PABPC4L: variants seen among roughly 807,000 people sequenced by gnomAD.
PABPC4L encodes polyadenylate-binding protein 4-like.
For synonymous variants in PABPC4L, 169 were observed against 164.1 expected, an observed-to-expected ratio of 1.03 and a Z score of -0.23; for missense variants, 452 against 451.4, an observed-to-expected ratio of 1.00 and a Z score of -0.01.
chr4:133,971,594 C>T, the PABPC4L span, among the ~76,000 whole-genome samples: 1 of 152,258 alleles, frequency 6.6e-6, no homozygotes, highest in African/African-American at 2.4e-5. Flanking sequence ...TATCACTCAG[C>T]AACCAAAATC....
At chr4:134,079,578 CAAAAAAAAAAAAAAAAA>C in the PABPC4L span, among the ~76,000 whole-genome samples, 384 of 90,696 alleles carry the variant, frequency 4.2e-3, 4 homozygotes, top group African/African-American at 0.011. Flanking sequence ...GACTTCCTCT[CAAAAAAAAAAAAAAAAA>C]AAAAAAAAAA....
chr4:134,022,753 A>G, the PABPC4L span, among the ~76,000 whole-genome samples: 2,977 of 151,980 alleles, frequency 0.02, 49 homozygotes, highest in Non-Finnish European at 0.029. Flanking sequence ...TAGCCTTAAG[A>G]TATTCTCATG....
chr4:134,170,340 T>G, the PABPC4L span, among the ~76,000 whole-genome samples: 1 of 152,160 alleles, frequency 6.6e-6, no homozygotes, highest in South Asian at 2.1e-4. Flanking sequence ...TGTATTTAGT[T>G]TTTATGAATA....
chr4:133,981,084 G>A, the PABPC4L span, among the ~76,000 whole-genome samples: 11 of 152,122 alleles, frequency 7.2e-5, no homozygotes, highest in East Asian at 1.9e-4. Flanking sequence ...TTGCTTGAGC[G>A]TGGGAGGCTG....
the PABPC4L span, among the ~76,000 whole-genome samples, chr4:134,129,046 A>G: frequency 6.6e-6 from 1 of 152,238 alleles, no homozygotes; most frequent in African/African-American, 2.4e-5. Flanking sequence ...GACAAAACAA[A>G]CTTTAATGCA....
chr4:133,997,049 T>A, the PABPC4L span, among the ~76,000 whole-genome samples: 1 of 152,152 alleles, frequency 6.6e-6, no homozygotes, highest in Non-Finnish European at 1.5e-5. Flanking sequence ...TTGCAAAGCC[T>A]CTCGGCTTTC....
At chr4:134,103,934 A>G in the PABPC4L span, among the ~76,000 whole-genome samples, 1 of 151,656 alleles carries the variant, frequency 6.6e-6, no homozygotes, top group Non-Finnish European at 1.5e-5. Context: ...TTTTTTCCAC[A>G]TAATACTGAT....
chr4:134,092,713 G>T, the PABPC4L span, among the ~76,000 whole-genome samples: 2 of 151,984 alleles, frequency 1.3e-5, no homozygotes, highest in African/African-American at 2.4e-5. Flanking sequence ...CCCAGCTCCT[G>T]CATCCACTCA....
chr4:134,167,562 A>G, the PABPC4L span, among the ~76,000 whole-genome samples: 1 of 151,924 alleles, frequency 6.6e-6, no homozygotes, highest in Admixed American at 6.6e-5. Flanking sequence ...ATAAGGACAC[A>G]TAATAGAGTT....
the PABPC4L span, among the ~76,000 whole-genome samples, chr4:134,027,973 T>C: frequency 2.6e-5 from 4 of 152,062 alleles, no homozygotes; most frequent in African/African-American, 9.7e-5. Flanking sequence ...TTACTAAGTT[T>C]TTGAGAGATT....
At chr4:134,140,227 T>C in the PABPC4L span, among the ~76,000 whole-genome samples, 1 of 151,810 alleles carries the variant, frequency 6.6e-6, no homozygotes, top group South Asian at 2.1e-4. Flanking sequence ...TTAAGTACCT[T>C]TTCCACACAC....
At chr4:134,147,207 G>A in the PABPC4L span, among the ~76,000 whole-genome samples, 6 of 151,880 alleles carry the variant, frequency 4.0e-5, no homozygotes, top group East Asian at 1.9e-4. Flanking sequence ...TCATAGTTTC[G>A]TATTTTTAAT....
At chr4:134,047,811 G>GT in the PABPC4L span, among the ~76,000 whole-genome samples, 118,625 of 147,330 alleles carry the variant, frequency 0.81, 48,049 homozygotes, top group East Asian at 0.99. Flanking sequence ...CTGCACCAGG[G>GT]TTTTTTTTTT....
At chr4:134,102,545 G>A in the PABPC4L span, among the ~76,000 whole-genome samples, 1,511 of 151,540 alleles carry the variant, frequency 1.0e-2, 24 homozygotes, top group Middle Eastern at 0.027. Context: ...CGCCTCAAAG[G>A]AAGAGTAATG....
the PABPC4L span, among the ~76,000 whole-genome samples, chr4:133,986,276 A>C: frequency 6.6e-6 from 1 of 152,048 alleles, no homozygotes; most frequent in Non-Finnish European, 1.5e-5. Context: ...TCCTTTCAAA[A>C]TTATCCCTTT....
chr4:133,967,860 GCAA>G, the PABPC4L span, among the ~76,000 whole-genome samples: 1 of 152,122 alleles, frequency 6.6e-6, no homozygotes, highest in Admixed American at 6.6e-5. Context: ...TAAAGGCAAG[GCAA>G]GAATATAAGC....
At chr4:134,025,811 G>GA in the PABPC4L span, among the ~76,000 whole-genome samples, 5 of 151,988 alleles carry the variant, frequency 3.3e-5, no homozygotes. Flanking sequence ...CTATAAGACT[G>GA]AAGTTTTGTC....
chr4:134,158,920 C>T, the PABPC4L span, among the ~76,000 whole-genome samples: 2 of 152,014 alleles, frequency 1.3e-5, no homozygotes, highest in African/African-American at 2.4e-5. Flanking sequence ...CTAAAATCTG[C>T]GTAGCATGTT....
At chr4:134,075,301 G>A in the PABPC4L span, among the ~76,000 whole-genome samples, 1 of 152,016 alleles carries the variant, frequency 6.6e-6, no homozygotes, top group Admixed American at 6.6e-5. Flanking sequence ...GATTAAGGAG[G>A]TCAAAGAGCT....
Sources: gnomAD v4.1 joint callset for allele counts (sites outside exome capture counted in the v4.1 genomes callset) on GRCh38, gnomAD v4.1.1 for gene constraint, MANE v1.5 for transcripts, NCBI Gene and HGNC (gene_info 2026-07-23, HGNC 2026-07-21) for gene names.